Variants in PALLD observed in about 807,000 individuals in gnomAD.
PALLD encodes the protein palladin.
PALLD carries 61 observed loss-of-function variants against 123.5 expected under a neutral mutation model. The ratio of observed to expected loss-of-function variants is 0.49; its 90% confidence interval spans 0.40 to 0.61. PALLD has a LOEUF of 0.61. PALLD is among the 20% of genes least tolerant of loss of function. PALLD has a pLI of 0.00. For missense variants in PALLD, 1,273 were observed against 1,377.0 expected (o/e 0.92, Z 1.20); for synonymous variants, 465 against 496.4 (o/e 0.94, Z 0.84).
rs576990271 is a variant in PALLD, at chr4:168,844,235, T to C, written c.1965-46687T>C. 6.6e-6 allele frequency: 1 copy of C among 152,392 alleles called. No homozygotes were observed. The highest frequency in any genetic ancestry group is 2.1e-4 in the South Asian group (1 of 4,832). 9.4% of individuals were successfully genotyped at this position (152,392 alleles called of 1,614,324 possible). ...AAAGATTAAAAACCATGATTGAGTG[T>C]GCCTAGAAATAAAGACCACCCTTGA... On this transcript the variant is annotated intron_variant, in intron 10 of 21. Transcript: ENST00000505667. The surrounding 1 kb of genome is among the most constrained non-coding windows in gnomAD (Gnocchi z 4.5).
chr4:168,619,525 T>C (rs1480587391), intron 2 of PALLD, among the ~76,000 whole-genome samples: 1 of 152,248 alleles, frequency 6.6e-6, no homozygotes, highest in African/African-American at 2.4e-5. Context: ...AGGAGGCTCT[T>C]CAGGTGCCTG....
intron 2 of PALLD, among the ~76,000 whole-genome samples, chr4:168,523,133 G>A (rs1383462691): frequency 2.6e-5 from 4 of 151,494 alleles, no homozygotes; most frequent in Non-Finnish European, 5.9e-5. Context: ...TGTTGAAAAT[G>A]GTGAGTATTT....
Position 168,542,430 on chromosome 4 carries a change from TA to T in PALLD, c.908+30028del, listed in dbSNP as rs575529444. 1.7e-3 allele frequency among the ~76,000 whole-genome samples: 261 copies of T among 150,686 alleles called. 1 individual carries two copies. Among genetic ancestry groups the T allele is most frequent in the African/African-American group, 5.2e-3 (211 of 40,894 alleles). ...AAAAAGAAAATTTTTTAAAATAAATTAAAAAAAAAACTGCTGCACCCTATTA... is the reference window on the plus strand; with the variant it reads ...AAAAAGAAAATTTTTTAAAATAAATTAAAAAAAAACTGCTGCACCCTATTA... On this transcript the variant is annotated intron_variant, in intron 2 of 21. Transcript: ENST00000505667.
intron 2 of PALLD, among the ~76,000 whole-genome samples, chr4:168,563,159 A>G (rs912344126): frequency 1.6e-4 from 24 of 152,122 alleles, no homozygotes; most frequent in Non-Finnish European, 3.1e-4. Flanking sequence ...CAGGTTTCAC[A>G]GGCAGGTGGT....
chr4:168,651,593 C>A (rs558183565), intron 2 of PALLD, among the ~76,000 whole-genome samples: 1 of 151,910 alleles, frequency 6.6e-6, no homozygotes, highest in Admixed American at 6.5e-5. Flanking sequence ...TTTTCCCCCC[C>A]GCAAGGTTAG....
At chr4:168,701,013 T>G (rs1783621371) in intron 8 of PALLD, 1 of 150,306 alleles carries the variant, frequency 6.7e-6, no homozygotes, top group Non-Finnish European at 1.5e-5. Flanking sequence ...TAGATAGATA[T>G]TATTTAATTA....
chr4:168,497,589 A>AT (rs565970667), intron 1 of PALLD, among the ~76,000 whole-genome samples: 2 of 152,240 alleles, frequency 1.3e-5, no homozygotes, highest in Non-Finnish European at 2.9e-5. Flanking sequence ...TTTAAGCTAG[A>AT]TAAGTGATGA....
chr4:168,692,615 T>C (rs1216687419), intron 8 of PALLD, among the ~76,000 whole-genome samples: 1 of 152,208 alleles, frequency 6.6e-6, no homozygotes, highest in African/African-American at 2.4e-5. Flanking sequence ...TAGGTAGATA[T>C]AAAAGTAGGA....
At chr4:168,871,655 G>C (rs2062590) in intron 10 of PALLD, among the ~76,000 whole-genome samples, 15 of 152,008 alleles carry the variant, frequency 9.9e-5, no homozygotes, top group Non-Finnish European at 1.6e-4. Context: ...ACTGGCCTTC[G>C]CATCAGTAGA....
chr4:168,840,639 C>T (rs1005330844), intron 10 of PALLD, among the ~76,000 whole-genome samples: 6 of 152,116 alleles, frequency 3.9e-5, no homozygotes, highest in African/African-American at 1.4e-4. Context: ...TCTGACAGCT[C>T]ACCTAAAAGT....
rs1243059841 is a variant in PALLD at position 168,822,186 on chromosome 4, A to C, written c.1965-68736A>C. On this transcript the variant is annotated intron_variant, in intron 10 of 21. Coordinates refer to ENST00000505667, the MANE Select transcript of PALLD (RefSeq NM_001166108.2). ...CCTGATGAGGTCTTTGTTATATTTA[A>C]AGTCTAAATAGCTGTGTGATAATAA... is the stretch of plus-strand genomic sequence containing the variant. 2.0e-5 allele frequency among the ~76,000 whole-genome samples: 3 copies of C among 152,142 alleles called. No individual in the cohort carries two copies. The East Asian group carries it at 5.8e-4, about 29-fold the overall frequency.
intron 3 of PALLD, among the ~76,000 whole-genome samples, chr4:168,679,301 GGT>G (rs1303242824): frequency 1.1e-5 from 1 of 91,840 alleles, no homozygotes; most frequent in Non-Finnish European, 2.2e-5. Context: ...GTGTGTGGGG[GGT>G]GTGTGTGTGG....
At chr4:168,717,798 G>T (rs1363613875) in intron 10 of PALLD, among the ~76,000 whole-genome samples, 1 of 152,158 alleles carries the variant, frequency 6.6e-6, no homozygotes, top group Non-Finnish European at 1.5e-5. Context: ...GAATCTCATG[G>T]GATAGAATTA....
At chr4:168,668,053 AAC>A (rs1779824434) in intron 2 of PALLD, 135 bp from the exon 3 acceptor site, 1 of 721,570 alleles carries the variant, frequency 1.4e-6, no homozygotes, top group South Asian at 1.6e-5. Context: ...TTCCATTAGT[AAC>A]ACTGACATTG....
At chr4:168,705,463 A>G (rs967904476) in intron 8 of PALLD, among the ~76,000 whole-genome samples, 1 of 152,128 alleles carries the variant, frequency 6.6e-6, no homozygotes, top group African/African-American at 2.4e-5. Flanking sequence ...CCTTTCCTTA[A>G]CAAGTCTTTC....
At chr4:168,593,094 G>T (rs530174970) in intron 2 of PALLD, among the ~76,000 whole-genome samples, 6 of 151,856 alleles carry the variant, frequency 4.0e-5, no homozygotes, top group Non-Finnish European at 8.8e-5. Flanking sequence ...GAAATTACTG[G>T]TTCCCTAATA....
chr4:168,710,468 T>C (rs1784729165), intron 9 of PALLD, among the ~76,000 whole-genome samples: 1 of 152,158 alleles, frequency 6.6e-6, no homozygotes, highest in East Asian at 1.9e-4. Flanking sequence ...GATACGGACT[T>C]GGAGAGAACA....
chr4:168,632,529 A>G (rs78181830), intron 2 of PALLD, among the ~76,000 whole-genome samples: 2,610 of 152,142 alleles, frequency 0.017, 77 homozygotes, highest in African/African-American at 0.056. Context: ...GTTTCACTTG[A>G]TTGCAGTTCT....
At chr4:168,608,313 T>C (rs1196124290) in intron 2 of PALLD, among the ~76,000 whole-genome samples, 1 of 152,200 alleles carries the variant, frequency 6.6e-6, no homozygotes, top group Non-Finnish European at 1.5e-5. Context: ...GCCCTGCCAA[T>C]GAGCTCATCC....
Sources: allele counts gnomAD v4.1 joint callset (sites outside exome capture counted in the v4.1 genomes callset), GRCh38; gene constraint gnomAD v4.1.1; non-coding constraint Gnocchi (gnomAD v3.1); transcripts MANE v1.5; gene names NCBI Gene and HGNC (gene_info 2026-07-23, HGNC 2026-07-21).